ITFG1: variants seen among roughly 807,000 people sequenced by gnomAD.
ITFG1 encodes integrin alpha FG-GAP repeat containing 1.
In ITFG1, 34 loss-of-function variants were observed where a neutral mutation model predicts 81.8. The observed-to-expected ratio is 0.42, with a 90% CI of 0.32 to 0.55. ITFG1 has a LOEUF of 0.55. Among genes scored for constraint, ITFG1 ranks in the 20% least tolerant of loss-of-function variants. The pLI, the probability that ITFG1 is intolerant of heterozygous loss-of-function variation, is 0.17. For missense variants in ITFG1, 672 were observed against 755.4 expected (o/e 0.89, Z 1.29); for synonymous variants, 285 against 270.6 (o/e 1.05, Z -0.52).
intron 10 of ITFG1, among the ~76,000 whole-genome samples, chr16:47,291,986 A>G (rs1407698958): frequency 6.6e-6 from 1 of 150,656 alleles, no homozygotes; most frequent in Non-Finnish European, 1.5e-5. Flanking sequence ...TATTAGAGAT[A>G]TGATATGGCA....
At chr16:47,209,672 A>G (rs1330010044) in intron 14 of ITFG1, among the ~76,000 whole-genome samples, 1 of 152,126 alleles carries the variant, frequency 6.6e-6, no homozygotes, top group African/African-American at 2.4e-5. Flanking sequence ...AGGATCCCTC[A>G]TACTGTCTTT....
At chr16:47,366,497 T>C (rs1968179450) in intron 7 of ITFG1, among the ~76,000 whole-genome samples, 1 of 152,110 alleles carries the variant, frequency 6.6e-6, no homozygotes. Flanking sequence ...AAAGGAGAGC[T>C]TATCAGCGAT....
chr16:47,341,321 C>T (rs1302381362), intron 8 of ITFG1, among the ~76,000 whole-genome samples: 1 of 145,722 alleles, frequency 6.9e-6, no homozygotes, highest in East Asian at 2.0e-4. Flanking sequence ...ACTTGTAATC[C>T]TAGCTACTCT....
In ITFG1 at chr16:47,181,054, G is replaced by A. The variant is rs115547446; in HGVS notation, c.1454-18390C>T. The stretch of plus-strand genomic sequence containing the variant: ...GCCGCCATACCATCTAGGAAGTCAC[G>A]AGCGCCTCTTCCAGGCTGCCATCCC... On this transcript the variant is annotated intron_variant, in intron 14 of 17. Transcript: ENST00000320640. 6.7e-3 allele frequency among the ~76,000 whole-genome samples: 1,006 copies of A among 149,426 alleles called. 14 individuals carry two copies. The highest frequency in any genetic ancestry group is 0.023 in the African/African-American group (936 of 40,416).
At chr16:47,262,173 G>A (rs1966216786) in intron 10 of ITFG1, among the ~76,000 whole-genome samples, 1 of 152,128 alleles carries the variant, frequency 6.6e-6, no homozygotes, top group Admixed American at 6.5e-5. Context: ...TTTTCCAGAT[G>A]AAAAATTCCA....
At chr16:47,400,792 A>G (rs1596958645) in intron 6 of ITFG1, among the ~76,000 whole-genome samples, 1 of 152,102 alleles carries the variant, frequency 6.6e-6, no homozygotes, top group East Asian at 1.9e-4. Context: ...ATGTGGCGGG[A>G]GCACAAAGGA....
At chr16:47,374,045 C>G (rs1331211714) in intron 7 of ITFG1, among the ~76,000 whole-genome samples, 1 of 152,144 alleles carries the variant, frequency 6.6e-6, no homozygotes, top group Admixed American at 6.5e-5. Context: ...GAGAACTCTG[C>G]TTAACTTATC....
rs1305796068 is a variant in ITFG1, at chr16:47,259,582, T to TA, written c.1222-843dup. 3.9e-5 allele frequency among the ~76,000 whole-genome samples: 6 copies of TA among 152,154 alleles called. No individual in the cohort carries two copies. In the South Asian group the frequency reaches 8.3e-4, roughly 21 times the overall value. On this transcript the variant is annotated intron_variant, in intron 11 of 17. Transcript: ENST00000320640. ...CATATAATTGAGAATAAGTCTCTTA[T>TA]AAAAAACAAAATAAAATCAAAAATG...
At chr16:47,278,674 T>G (rs1414485085) in intron 10 of ITFG1, among the ~76,000 whole-genome samples, 1 of 152,224 alleles carries the variant, frequency 6.6e-6, no homozygotes, top group Non-Finnish European at 1.5e-5. Flanking sequence ...GTGAAAGTGA[T>G]ATTTTTGAAC....
chr16:47,264,716 T>C (rs1287624186), intron 10 of ITFG1, among the ~76,000 whole-genome samples: 1 of 152,160 alleles, frequency 6.6e-6, no homozygotes, highest in Non-Finnish European at 1.5e-5. Flanking sequence ...TGAAAAGCTA[T>C]ACCAACTTTT....
At chr16:47,378,715 G>A (rs973646997) in intron 6 of ITFG1, among the ~76,000 whole-genome samples, 1 of 151,504 alleles carries the variant, frequency 6.6e-6, no homozygotes, top group African/African-American at 2.4e-5. Flanking sequence ...TTATGTAAAG[G>A]GGCATAGAAA....
intron 12 of ITFG1, among the ~76,000 whole-genome samples, chr16:47,256,597 T>C (rs1040832645): frequency 2.0e-5 from 3 of 152,142 alleles, no homozygotes; most frequent in Non-Finnish European, 4.4e-5. Flanking sequence ...AAATAATACT[T>C]TCTTGAAAAT....
At chr16:47,170,209 G>A (rs1340003862) in intron 14 of ITFG1, among the ~76,000 whole-genome samples, 1 of 152,174 alleles carries the variant, frequency 6.6e-6, no homozygotes, top group Non-Finnish European at 1.5e-5. Flanking sequence ...GTGTTAGGGA[G>A]TATTTGCTTT....
At chr16:47,186,029 C>G (rs530828109) in intron 14 of ITFG1, among the ~76,000 whole-genome samples, 4 of 152,060 alleles carry the variant, frequency 2.6e-5, no homozygotes, top group Non-Finnish European at 5.9e-5. Context: ...ATAAATTCCT[C>G]GACACATACA....
chr16:47,207,471 G>C (rs574305537), intron 14 of ITFG1, among the ~76,000 whole-genome samples: 2 of 152,314 alleles, frequency 1.3e-5, no homozygotes, highest in East Asian at 3.9e-4. Context: ...TACAGAAGGG[G>C]AATAGTGAGG....
chr16:47,298,743 T>C (rs543992263), intron 10 of ITFG1, among the ~76,000 whole-genome samples: 163 of 152,300 alleles, frequency 1.1e-3, no homozygotes, highest in Non-Finnish European at 2.1e-3. Context: ...TGTGCATCTT[T>C]TTCAGCAGAT....
chr16:47,259,937 ATTT>A (rs561470789), intron 11 of ITFG1, among the ~76,000 whole-genome samples: 9 of 140,190 alleles, frequency 6.4e-5, no homozygotes, highest in Non-Finnish European at 4.7e-5. Flanking sequence ...TTGGCTGTAA[ATTT>A]TTTTTTTTTT....
chr16:47,261,242 T>C (rs1175005002), intron 10 of ITFG1, among the ~76,000 whole-genome samples: 1 of 152,192 alleles, frequency 6.6e-6, no homozygotes, highest in African/African-American at 2.4e-5. Flanking sequence ...TGAGCTTAGA[T>C]TCTGGAGCTA....
At chr16:47,389,607 CA>C (rs1968506093) in intron 6 of ITFG1, among the ~76,000 whole-genome samples, 2 of 152,110 alleles carry the variant, frequency 1.3e-5, no homozygotes, top group African/African-American at 4.8e-5. Context: ...ATAATTATAA[CA>C]AAGTATGATG....
Sources: allele counts gnomAD v4.1 joint callset (sites outside exome capture counted in the v4.1 genomes callset), GRCh38; gene constraint gnomAD v4.1.1; transcripts MANE v1.5; gene names NCBI Gene and HGNC (gene_info 2026-07-23, HGNC 2026-07-21).